Variants in MTSS1 observed in about 807,000 individuals in gnomAD.
The protein encoded by MTSS1 is MTSS I-BAR domain containing 1.
MTSS1 carries 18 observed loss-of-function variants against 79.0 expected under a neutral mutation model. That is an observed-to-expected ratio of 0.23 (90% CI 0.16 to 0.34). The LOEUF (loss-of-function observed/expected upper bound fraction) is 0.34, where lower values mean the gene tolerates loss of function less well. Ranked by LOEUF, MTSS1 falls within the 10% of genes least tolerant of loss-of-function variation. MTSS1 has a pLI of 1.00. For missense variants in MTSS1, 815 were observed against 986.2 expected, an observed-to-expected ratio of 0.83 and a Z score of 2.33; for synonymous variants, 341 against 368.6, an observed-to-expected ratio of 0.93 and a Z score of 0.86.
chr8:124,612,573 AATGTGTGT>A (rs1372831637), intron 3 of MTSS1, among the ~76,000 whole-genome samples: 6 of 119,858 alleles, frequency 5.0e-5, no homozygotes, highest in African/African-American at 1.9e-4. Flanking sequence ...CCAAGTTTAA[AATGTGTGT>A]GTGTGTGTGT....
chr8:124,633,061 A>C (rs1452401367), intron 3 of MTSS1, among the ~76,000 whole-genome samples: 1 of 151,516 alleles, frequency 6.6e-6, no homozygotes, highest in Non-Finnish European at 1.5e-5. Context: ...CTACAATTCC[A>C]GTGTTTTGGG....
intron 3 of MTSS1, among the ~76,000 whole-genome samples, chr8:124,617,315 C>G (rs548550779): frequency 7.9e-5 from 12 of 152,314 alleles, no homozygotes; most frequent in Admixed American, 5.9e-4. Context: ...AAGGACCCAC[C>G]AGAGAGCCCG....
chr8:124,717,323 C>A (rs1042650844), intron 1 of MTSS1, among the ~76,000 whole-genome samples: 1 of 151,230 alleles, frequency 6.6e-6, no homozygotes, highest in Non-Finnish European at 1.5e-5. Context: ...AAAACCCCAT[C>A]TTTACTAAAG....
intron 12 of MTSS1, 100 bp from the exon 13 acceptor site, chr8:124,556,004 GGGGCTATTGAC>G: frequency 6.4e-7 from 1 of 1,553,520 alleles, no homozygotes; most frequent in Non-Finnish European, 8.7e-7. Flanking sequence ...GTGGGGCCAG[GGGGCTATTGAC>G]TTGCTTGGGT....
chr8:124,585,197 T>G, intron 5 of MTSS1, 36 bp from the exon 6 acceptor site: 1 of 1,513,150 alleles, frequency 6.6e-7, no homozygotes, highest in Non-Finnish European at 9.1e-7. Context: ...ATTTTACCAC[T>G]TTGCTTAACA....
Position 124,580,897 on chromosome 8 carries a change from G to A in MTSS1, c.460+4190C>T, listed in dbSNP as rs779457405. On this transcript the variant is annotated intron_variant, in intron 6 of 13. Coordinates refer to ENST00000518547, the MANE Select transcript of MTSS1 (RefSeq NM_014751.6). The stretch of plus-strand genomic sequence containing the variant: ...CCAAGCTTTGGCAAGAAAACCTTTC[G>A]AGTGTCATTTACCATCACTTGAAAA... Among the ~76,000 whole-genome samples, 10 of 152,090 alleles carry A rather than the reference G, an allele frequency of 6.6e-5. No individual in the cohort carries two copies. The South Asian group carries it at 8.3e-4, about 13-fold the overall frequency.
intron 1 of MTSS1, among the ~76,000 whole-genome samples, chr8:124,720,472 A>G (rs1393953236): frequency 6.6e-6 from 1 of 152,148 alleles, no homozygotes; most frequent in African/African-American, 2.4e-5. Context: ...GACCCTAATA[A>G]AGCAACTTTC....
chr8:124,619,859 T>C (rs948589250), intron 3 of MTSS1, among the ~76,000 whole-genome samples: 1 of 152,224 alleles, frequency 6.6e-6, no homozygotes, highest in Non-Finnish European at 1.5e-5. Context: ...CAGATGCGGT[T>C]CCCTTTAGGG....
At chr8:124,575,650 CA>C (rs1828829818) in intron 6 of MTSS1, among the ~76,000 whole-genome samples, 1 of 152,086 alleles carries the variant, frequency 6.6e-6, no homozygotes, top group African/African-American at 2.4e-5. Context: ...TAAGAAAATG[CA>C]AAAGATCCCA....
At chr8:124,613,894 C>A (rs113491018) in intron 3 of MTSS1, among the ~76,000 whole-genome samples, 2,568 of 152,254 alleles carry the variant, frequency 0.017, 62 homozygotes, top group African/African-American at 0.058. Context: ...TATGGTTGGG[C>A]ACAGTGGCTG....
In MTSS1 at chr8:124,727,084, A is replaced by ACG. The variant is rs750880628; in HGVS notation, c.72+798_72+799dup. 1.1e-4 allele frequency among the ~76,000 whole-genome samples: 17 copies of ACG among 151,770 alleles called. No individual in the cohort carries two copies. The highest frequency in any genetic ancestry group is 3.6e-4 in the African/African-American group (15 of 41,404). On this transcript the variant is annotated intron_variant, in intron 1 of 13. Transcript: ENST00000518547. This position sits in a 1 kb window ranked among gnomAD's most constrained non-coding sequence, Gnocchi z 4.7. ...AACCAGGGTGTTGTTCCCCGCCCCC[A>ACG]CGCGCGCGCGCGCACACACACATGC...
chr8:124,598,839 C>G (rs890986994), intron 3 of MTSS1, among the ~76,000 whole-genome samples: 6 of 152,160 alleles, frequency 3.9e-5, no homozygotes, highest in African/African-American at 1.4e-4. Context: ...GGAGAGGGAG[C>G]CTGAGGAGCT....
At chr8:124,572,000 C>A (rs1211507601) in intron 6 of MTSS1, among the ~76,000 whole-genome samples, 3 of 152,010 alleles carry the variant, frequency 2.0e-5, no homozygotes, top group African/African-American at 7.2e-5. Flanking sequence ...TAAAAAATAA[C>A]AGCCTGTGAT....
chr8:124,605,542 G>T (rs1052087552), intron 3 of MTSS1, among the ~76,000 whole-genome samples: 2 of 136,598 alleles, frequency 1.5e-5, no homozygotes, highest in African/African-American at 2.6e-5. Context: ...GACAGCCCTC[G>T]CACTGCCTCC....
In MTSS1 at chr8:124,728,402, CGGATCT is replaced by C. The variant is rs1002484855; in HGVS notation, c.-453_-448del. ...GCAGAGCGGGTCAGCTCGCGGCGTCCGGATCTGTTGCTCGCAGCTGCGGCCGCCGCC... is the reference window on the plus strand; with the variant it reads ...GCAGAGCGGGTCAGCTCGCGGCGTCCGTTGCTCGCAGCTGCGGCCGCCGCC... On this transcript the variant is annotated 5_prime_UTR_variant, in exon 1 of 14. Transcript: ENST00000518547. This position sits in a 1 kb window ranked among gnomAD's most constrained non-coding sequence, Gnocchi z 6.1. 2 of 152,064 alleles carry C rather than the reference CGGATCT, an allele frequency of 1.3e-5. No homozygotes were observed. The highest frequency in any genetic ancestry group is 2.9e-5 in the Non-Finnish European group (2 of 68,064). The allele number at this position is 152,064 out of a possible 1,614,324, so 9.4% of individuals were successfully genotyped here. A position where few individuals can be genotyped will look rare whatever the true frequency, so the allele number is the denominator to read the frequency against.
chr8:124,563,625 A>AATG (rs1235257440), intron 9 of MTSS1, among the ~76,000 whole-genome samples: 1 of 152,226 alleles, frequency 6.6e-6, no homozygotes, highest in Non-Finnish European at 1.5e-5. Flanking sequence ...GTGATGCTTT[A>AATG]ATTAATGTTT....
At chr8:124,650,367 C>T (rs554843306) in intron 3 of MTSS1, among the ~76,000 whole-genome samples, 5 of 152,278 alleles carry the variant, frequency 3.3e-5, no homozygotes, top group African/African-American at 9.6e-5. Flanking sequence ...AACCACACTC[C>T]TGTTGCTTCA....
intron 3 of MTSS1, among the ~76,000 whole-genome samples, chr8:124,603,548 C>T (rs1834289321): frequency 6.6e-6 from 1 of 152,216 alleles, no homozygotes; most frequent in African/African-American, 2.4e-5. Flanking sequence ...GTTCCTCTGG[C>T]TTCATCAGCA....
At chr8:124,625,194 T>C (rs1814422750) in intron 3 of MTSS1, among the ~76,000 whole-genome samples, 1 of 152,322 alleles carries the variant, frequency 6.6e-6, no homozygotes, top group Non-Finnish European at 1.5e-5. Flanking sequence ...TGCCTCTCTT[T>C]AGTTACATGA....
Sources: gnomAD v4.1 joint callset for allele counts (sites outside exome capture counted in the v4.1 genomes callset) on GRCh38, gnomAD v4.1.1 for gene constraint, Gnocchi (gnomAD v3.1) non-coding constraint, MANE v1.5 for transcripts, NCBI Gene and HGNC (gene_info 2026-07-23, HGNC 2026-07-21) for gene names.